NIN: variants seen among roughly 807,000 people sequenced by gnomAD.
NIN encodes the protein ninein, also known as glycogen synthase kinase 3 beta-interacting protein.
In NIN, 137 loss-of-function variants were observed where a neutral mutation model predicts 257.6. That is an observed-to-expected ratio of 0.53 (90% CI 0.46 to 0.61). The LOEUF (loss-of-function observed/expected upper bound fraction) is 0.61, where lower values mean the gene tolerates loss of function less well. Among genes scored for constraint, NIN ranks in the 20% least tolerant of loss-of-function variants. The pLI, the probability that NIN is intolerant of heterozygous loss-of-function variation, is 0.00. For synonymous variants in NIN, 918 were observed against 919.8 expected (o/e 1.00, Z 0.04); for missense variants, 2,439 against 2,501.2 (o/e 0.98, Z 0.53).
In NIN at chr14:50,756,554, C is replaced by T. The variant is rs768404218; in HGVS notation, c.4476G>A (p.Lys1492=). The T allele has an allele frequency of 1.1e-5, 18 of 1,613,306 alleles. No homozygotes were observed. Among genetic ancestry groups the T allele is most frequent in the African/African-American group, 8.0e-5 (6 of 75,016 alleles). The change falls in exon 18 of 31, where the codon AAG becomes AAA. Residue 1492 remains lysine, a synonymous_variant. Transcript: ENST00000530997. The stretch of plus-strand genomic sequence containing the variant: ...TGATCTGCAAGTCATGCATCATTGC[C>T]TTCAGCTCTTCCTCCTTTTCTCCGT... ...LSHGEKEEEL[K]AMMHDLQITC...
intron 5 of NIN, among the ~76,000 whole-genome samples, chr14:50,789,164 G>C (rs964168893): frequency 2.0e-5 from 3 of 152,148 alleles, no homozygotes; most frequent in African/African-American, 7.2e-5. Flanking sequence ...CACATTGCCT[G>C]GTAGCCCCGA....
At position 50,792,853 on chromosome 14, in the gene NIN, A is replaced by G. The variant is rs1181727411; in HGVS notation, c.294T>C (p.Tyr98=). ...GTCCGTAACGCTTCCCACCTCTAAC[A>G]TATTTGGGCTGAGCTTCTAGTGAGC... ...PDCSLEAQPK[Y]VRGGKRYGRR... Residue 98 remains tyrosine (Y), a synonymous_variant, in exon 5 of 31, where the codon TAT becomes TAC. Coordinates refer to ENST00000530997, the MANE Select transcript of NIN (RefSeq NM_020921.4). 6.2e-7 allele frequency: 1 copy of G among 1,614,052 alleles called. No individual in the cohort carries two copies. The highest frequency in any genetic ancestry group is 2.2e-5 in the East Asian group (1 of 44,896).
chr14:50,792,627 C>T lies in NIN; in HGVS notation c.435+85G>A, dbSNP rs985483307. On this transcript the variant is annotated intron_variant, in intron 5 of 30. Transcript: ENST00000530997. ...GAAAAGCCCACATCGTGCCATCAAC[C>T]CCCTCAGCTCCCCTGTCTCTGTGCT... 21 of 1,457,218 alleles carry T rather than the reference C, an allele frequency of 1.4e-5. No homozygotes were observed. In the South Asian group the frequency reaches 2.5e-4, roughly 18 times the overall value. The allele number at this position is 1,457,218 out of a possible 1,614,324, so 90.3% of individuals were successfully genotyped here. A position where few individuals can be genotyped will look rare whatever the true frequency, so the allele number is the denominator to read the frequency against.
At chr14:50,727,953 A>G (rs1335895072) in intron 29 of NIN, among the ~76,000 whole-genome samples, 2 of 152,210 alleles carry the variant, frequency 1.3e-5, no homozygotes, top group Non-Finnish European at 2.9e-5. Context: ...AATATTCTGC[A>G]TTCTTAAAAT....
At position 50,759,968 on chromosome 14, in the gene NIN, T is replaced by C; in HGVS notation, c.2288A>G (p.Glu763Gly). Residue 763 changes from glutamate (E) to glycine (G), a missense_variant, in exon 17 of 31, where the codon GAG (glutamate) becomes GGG (glycine). By Grantham distance (98) the Glu-to-Gly change is moderately conservative. Around this residue, in one of 3 missense-constraint regions of NIN, gnomAD observed 2,043 missense variants for 2,050.2 expected, o/e 1.00. Coordinates refer to ENST00000530997, the MANE Select transcript of NIN (RefSeq NM_020921.4). ...TGTCAGCTGCTCCTGGTGAAACTGCTCTAGTTCCTGAGTCAAGCCTCTCAC... is the reference window on the plus strand; with the variant it reads ...TGTCAGCTGCTCCTGGTGAAACTGCCCTAGTTCCTGAGTCAAGCCTCTCAC... Reference protein sequence around the residue: ...EKVRGLTQELEQFHQEQLTSL... With the variant: ...EKVRGLTQELGQFHQEQLTSL... The C allele has an allele frequency of 6.2e-7, 1 of 1,614,198 alleles. No individual in the cohort carries two copies. The highest frequency in any genetic ancestry group is 8.5e-7 in the Non-Finnish European group (1 of 1,180,032).
Position 50,722,593 on chromosome 14 carries a change from A to G in NIN, c.*870T>C, listed in dbSNP as rs2040292565. The G allele has an allele frequency of 4.7e-6, 1 of 212,514 alleles. No individual in the cohort carries two copies. The highest frequency in any genetic ancestry group is 9.6e-6 in the Non-Finnish European group (1 of 104,664). 13.2% of individuals were successfully genotyped at this position (212,514 alleles called of 1,614,324 possible). A position where few individuals can be genotyped will look rare whatever the true frequency, so the allele number is the denominator to read the frequency against. On this transcript the variant is annotated 3_prime_UTR_variant, in exon 31 of 31. Transcript: ENST00000530997. ...TCTTGAGGCAACCTCAAGTAAATTTATGAACTCTAAGATTTGAGAGACAGA... is the reference window on the plus strand; with the variant it reads ...TCTTGAGGCAACCTCAAGTAAATTTGTGAACTCTAAGATTTGAGAGACAGA...
chr14:50,804,292 A>C (rs1330701779), intron 4 of NIN, among the ~76,000 whole-genome samples: 2 of 151,906 alleles, frequency 1.3e-5, no homozygotes, highest in Non-Finnish European at 2.9e-5. Flanking sequence ...AAATTGGCAA[A>C]AGACAGAAAA....
intron 3 of NIN, among the ~76,000 whole-genome samples, chr14:50,809,948 T>A (rs1203402176): frequency 6.6e-6 from 1 of 152,108 alleles, no homozygotes; most frequent in African/African-American, 2.4e-5. Flanking sequence ...CAGGCACTCA[T>A]CCTGTAGAAA....
intron 7 of NIN, among the ~76,000 whole-genome samples, chr14:50,776,701 T>G (rs148994665): frequency 1.3e-5 from 2 of 152,340 alleles, no homozygotes; most frequent in Admixed American, 6.5e-5. Flanking sequence ...GCCTGACAGT[T>G]TCACATGGGG....
At chr14:50,795,806 C>A (rs2043813296) in intron 4 of NIN, among the ~76,000 whole-genome samples, 1 of 151,976 alleles carries the variant, frequency 6.6e-6, no homozygotes, top group South Asian at 2.1e-4. Flanking sequence ...TATGGCGAAA[C>A]CTGGACTCTA....
Position 50,770,858 on chromosome 14 carries a change from T to C in NIN, c.1253A>G (p.Asn418Ser), listed in dbSNP as rs907695704. 2.5e-6 allele frequency: 4 copies of C among 1,613,274 alleles called. No homozygotes were observed. The highest frequency in any genetic ancestry group is 3.4e-6 in the Non-Finnish European group (4 of 1,179,690). Residue 418 changes from asparagine (N) to serine (S), a missense_variant, in exon 11 of 31, where the codon AAC (asparagine) becomes AGC (serine). Coordinates refer to ENST00000530997, the MANE Select transcript of NIN (RefSeq NM_020921.4). ...CTCACTCTGCTGGCCTCACCTGAGG[T>C]TGTACTCATTCCGCCGCTCTATGGC... ...HAAIERRNEY[N>S]LRKLDEEYKE...
At chr14:50,791,257 A>G (rs1462681899) in intron 5 of NIN, among the ~76,000 whole-genome samples, 1 of 152,170 alleles carries the variant, frequency 6.6e-6, no homozygotes, top group Non-Finnish European at 1.5e-5. Context: ...CATCCCTGAG[A>G]TTGTATATGT....
chr14:50,723,266 A>C lies in NIN; in HGVS notation c.*197T>G, dbSNP rs2040304680. ...AAAATAAATTCAAATCTTGGGAATA[A>C]TTTAAGTAGTGAAATATGTGAGTAT... On this transcript the variant is annotated 3_prime_UTR_variant, in exon 31 of 31. Coordinates refer to ENST00000530997, the MANE Select transcript of NIN (RefSeq NM_020921.4). 2.3e-6 allele frequency: 1 copy of C among 443,740 alleles called. No homozygotes were observed. Among genetic ancestry groups the C allele is most frequent in the African/African-American group, 2.0e-5 (1 of 49,758 alleles). 27.5% of individuals were successfully genotyped at this position (443,740 alleles called of 1,614,324 possible). A position where few individuals can be genotyped will look rare whatever the true frequency, so the allele number is the denominator to read the frequency against.
intron 3 of NIN, among the ~76,000 whole-genome samples, chr14:50,808,603 C>G (rs928492545): frequency 1.3e-5 from 2 of 152,150 alleles, no homozygotes; most frequent in South Asian, 4.1e-4. Context: ...ATTATTCATT[C>G]AATAAATATT....
intron 21 of NIN, among the ~76,000 whole-genome samples, chr14:50,752,073 C>T (rs991637517): frequency 2.6e-5 from 4 of 151,804 alleles, no homozygotes; most frequent in African/African-American, 4.8e-5. Context: ...TTATTGCCTC[C>T]GGTTTTTGAG....
At chr14:50,818,302 G>A (rs911717788) in intron 3 of NIN, among the ~76,000 whole-genome samples, 1 of 132,730 alleles carries the variant, frequency 7.5e-6, no homozygotes, top group African/African-American at 2.9e-5. Flanking sequence ...CAGCCTGGGC[G>A]ACGGCGAGAC....
At chr14:50,816,349 C>A (rs936183092) in intron 3 of NIN, among the ~76,000 whole-genome samples, 3 of 152,118 alleles carry the variant, frequency 2.0e-5, no homozygotes. Flanking sequence ...TGCACATGTA[C>A]CCCAGAGTTT....
At chr14:50,782,584 A>G (rs1356782090) in intron 5 of NIN, among the ~76,000 whole-genome samples, 1 of 152,236 alleles carries the variant, frequency 6.6e-6, no homozygotes, top group African/African-American at 2.4e-5. Context: ...TAGAGATAAT[A>G]AAAACAGATG....
Position 50,758,112 on chromosome 14 carries a change from T to G in NIN, c.2918A>C (p.Glu973Ala). Reference protein sequence around the residue: ...QLASQRLERLEMEHDQERQEM... With the variant: ...QLASQRLERLAMEHDQERQEM... The stretch of plus-strand genomic sequence containing the variant: ...CTGCCTTTCCTGGTCATGTTCCATT[T>G]CTAGTCTTTCCAGCCGCTGGCTGGC... The change falls in exon 18 of 31, where the codon GAA becomes GCA. Residue 973 changes from glutamate (E) to alanine (A), a missense_variant. This residue lies in a region of NIN where 2,043 missense variants were observed against 2,050.2 expected (regional missense o/e 1.00). Transcript: ENST00000530997. The G allele has an allele frequency of 2.5e-6, 4 of 1,614,160 alleles. No homozygotes were observed. The highest frequency in any genetic ancestry group is 3.4e-6 in the Non-Finnish European group (4 of 1,180,030).
Sources: allele counts gnomAD v4.1 joint callset (sites outside exome capture counted in the v4.1 genomes callset), GRCh38; gene constraint gnomAD v4.1.1; regional missense constraint gnomAD v4.1.1; transcripts MANE v1.5; gene names NCBI Gene and HGNC (gene_info 2026-07-23, HGNC 2026-07-21).